Variants in SLC4A7 observed in about 807,000 individuals in gnomAD.
SLC4A7 encodes the protein solute carrier family 4 member 7, also known as sodium bicarbonate cotransporter 3.
SLC4A7 carries 51 observed loss-of-function variants against 137.6 expected under a neutral mutation model. The ratio of observed to expected loss-of-function variants is 0.37; its 90% confidence interval spans 0.30 to 0.47. The LOEUF is 0.47. SLC4A7 is among the 20% of genes least tolerant of loss of function. The probability of loss-of-function intolerance (pLI) is 1.00; values close to 1 mark genes in which losing one functional copy is unlikely to be tolerated. For missense variants in SLC4A7, 1,247 were observed against 1,525.4 expected (o/e 0.82, Z 3.04); for synonymous variants, 542 against 518.6 (o/e 1.05, Z -0.61).
At chr3:27,395,418 C>G (rs2052047392) in intron 18 of SLC4A7, among the ~76,000 whole-genome samples, 1 of 152,166 alleles carries the variant, frequency 6.6e-6, no homozygotes, top group South Asian at 2.1e-4. Flanking sequence ...CAAAGTGACA[C>G]TATGTGATTT....
chr3:27,480,243 T>C (rs1031130663), intron 1 of SLC4A7, among the ~76,000 whole-genome samples: 1 of 152,204 alleles, frequency 6.6e-6, no homozygotes, highest in Non-Finnish European at 1.5e-5. Context: ...CTTTGTTTCA[T>C]CTTGTATTGA....
chr3:27,484,019 C>T, intron 1 of SLC4A7, 48 bp downstream of exon 1: 1 of 1,337,068 alleles, frequency 7.5e-7, no homozygotes. Context: ...TCTGCCTCGC[C>T]CCGCGCCCTC....
intron 7 of SLC4A7, among the ~76,000 whole-genome samples, chr3:27,425,225 C>T (rs1165273246): frequency 2.6e-5 from 4 of 151,760 alleles, no homozygotes; most frequent in Non-Finnish European, 4.4e-5. Context: ...ACAAAATAAG[C>T]CGGGCGTGAT....
intron 23 of SLC4A7, 119 bp downstream of exon 23, chr3:27,385,773 A>G (rs2050879069): frequency 4.3e-6 from 3 of 690,870 alleles, no homozygotes; most frequent in Non-Finnish European, 2.3e-6. Flanking sequence ...ACACTTTTAT[A>G]AAGTTCTTAG....
chr3:27,387,547 C>T (rs866508206), intron 22 of SLC4A7, among the ~76,000 whole-genome samples: 25 of 151,978 alleles, frequency 1.6e-4, no homozygotes, highest in African/African-American at 4.8e-4. Context: ...CATTTAAATG[C>T]GATTTTTCAG....
chr3:27,378,279 C>T (rs1254873791), intron 25 of SLC4A7, among the ~76,000 whole-genome samples: 1 of 152,080 alleles, frequency 6.6e-6, no homozygotes, highest in Non-Finnish European at 1.5e-5. Context: ...CAATTATTGT[C>T]AGAAGACAGA....
At chr3:27,478,793 G>T (rs2059581868) in intron 1 of SLC4A7, among the ~76,000 whole-genome samples, 1 of 146,474 alleles carries the variant, frequency 6.8e-6, no homozygotes. Context: ...TTCAAGACCA[G>T]CCTGGCCAAC....
Position 27,379,285 on chromosome 3 carries a change from T to A in SLC4A7, c.3662A>T (p.Asn1221Ile). 1 of 1,535,464 alleles carries A rather than the reference T, an allele frequency of 6.5e-7. No individual in the cohort carries two copies. The highest frequency in any genetic ancestry group is 8.7e-7 in the Non-Finnish European group (1 of 1,146,192). The change falls in exon 25 of 26, where the codon AAT (asparagine) becomes ATT (isoleucine). Residue 1221 changes from asparagine (N) to isoleucine (I), a missense_variant. Asn to Ile is a moderately radical substitution (Grantham distance 149). Transcript: ENST00000454389. ...KTAQWKALSMNTENAKVTRSN... is the reference protein window; with the variant it reads ...KTAQWKALSMITENAKVTRSN... ...TCTGGTTACTTTGGCATTCTCAGTA[T>A]TCATGGAAAGTGCCTTCCACTGTGC...
chr3:27,433,193 T>C (rs2056462690), intron 6 of SLC4A7: 2 of 152,158 alleles, frequency 1.3e-5, no homozygotes, highest in Admixed American at 1.3e-4. Flanking sequence ...CCTCACGAGC[T>C]TTGGGTAATA....
At chr3:27,455,373 AG>A (rs1159351393) in intron 1 of SLC4A7, among the ~76,000 whole-genome samples, 1 of 152,176 alleles carries the variant, frequency 6.6e-6, no homozygotes, top group Non-Finnish European at 1.5e-5. Flanking sequence ...TTATTTCCAC[AG>A]ACATGTTTTC....
Position 27,403,211 on chromosome 3 carries a change from T to A in SLC4A7, c.2249A>T (p.Glu750Val). ...TGTTTCTCCTAAATCAAAGAGCTTC[T>A]CCAAAGCCTCGTAGATGAATATGAT... ...ICIIFIYEAL[E>V]KLFDLGETYA... Residue 750 changes from glutamate to valine, a missense_variant, in exon 15 of 26, where the codon GAG becomes GTG. Glu to Val is a moderately radical substitution (Grantham distance 121). Around this residue, in one of 6 missense-constraint regions of SLC4A7, gnomAD observed 499 missense variants for 664.2 expected, o/e 0.75. Coordinates refer to ENST00000454389, the MANE Select transcript of SLC4A7 (RefSeq NM_001321103.2). 2 of 1,613,970 alleles carry A rather than the reference T, an allele frequency of 1.2e-6. No individual in the cohort carries two copies. The highest frequency in any genetic ancestry group is 1.7e-6 in the Non-Finnish European group (2 of 1,179,942).
chr3:27,386,879 T>C (rs751536919), intron 22 of SLC4A7, among the ~76,000 whole-genome samples: 1 of 152,158 alleles, frequency 6.6e-6, no homozygotes, highest in Non-Finnish European at 1.5e-5. Flanking sequence ...TTTCTGAACA[T>C]GGTCTCAGAT....
chr3:27,399,085 T>C (rs1394409165), intron 16 of SLC4A7, among the ~76,000 whole-genome samples: 1 of 150,886 alleles, frequency 6.6e-6, no homozygotes, highest in African/African-American at 2.4e-5. Context: ...TTCTTACTTA[T>C]AATCTAATGA....
intron 3 of SLC4A7, among the ~76,000 whole-genome samples, chr3:27,440,009 G>A (rs1199534909): frequency 1.3e-5 from 2 of 152,074 alleles, no homozygotes; most frequent in Non-Finnish European, 2.9e-5. Context: ...CCTTTGTATT[G>A]TTAATGACAT....
chr3:27,435,625 A>C (rs1406431677), intron 5 of SLC4A7, among the ~76,000 whole-genome samples: 1 of 152,202 alleles, frequency 6.6e-6, no homozygotes, highest in African/African-American at 2.4e-5. Flanking sequence ...AGGTTGTTTG[A>C]GTTCAGGAGT....
chr3:27,477,879 T>A lies in SLC4A7; in HGVS notation c.60+6188A>T, dbSNP rs536589089. Among the ~76,000 whole-genome samples, 10 of 152,208 alleles carry A rather than the reference T, an allele frequency of 6.6e-5. No homozygotes were observed. In the East Asian group the frequency reaches 1.9e-3, roughly 29 times the overall value. On this transcript the variant is annotated intron_variant, in intron 1 of 25. Coordinates refer to ENST00000454389, the MANE Select transcript of SLC4A7 (RefSeq NM_001321103.2). ...ATCCACCTGCCTCAGCCTCCCAAAT[T>A]GCTGGGATTACAGGCATGAGCCACC...
chr3:27,468,570 T>C (rs2059105746), intron 1 of SLC4A7, among the ~76,000 whole-genome samples: 1 of 151,536 alleles, frequency 6.6e-6, no homozygotes, highest in Non-Finnish European at 1.5e-5. Flanking sequence ...AACATGGTTC[T>C]AGGAAGAAAT....
intron 3 of SLC4A7, among the ~76,000 whole-genome samples, chr3:27,438,305 G>C (rs901332138): frequency 1.2e-4 from 18 of 150,638 alleles, no homozygotes; most frequent in Admixed American, 6.7e-4. Context: ...AGCAGTTGGA[G>C]ACCAACCTGG....
intron 24 of SLC4A7, among the ~76,000 whole-genome samples, chr3:27,382,590 T>C (rs1451032235): frequency 6.6e-6 from 1 of 152,170 alleles, no homozygotes; most frequent in African/African-American, 2.4e-5. Context: ...AATAATGAAT[T>C]ATACATAAAA....
Sources: allele counts gnomAD v4.1 joint callset (sites outside exome capture counted in the v4.1 genomes callset), GRCh38; gene constraint gnomAD v4.1.1; regional missense constraint gnomAD v4.1.1; transcripts MANE v1.5; gene names NCBI Gene and HGNC (gene_info 2026-07-23, HGNC 2026-07-21).